The following SLC5A4 variants were observed in gnomAD, a reference collection of about 807,000 sequenced individuals.
The protein encoded by SLC5A4 is probable glucose sensor protein SLC5A4.
A neutral mutation model predicts 70.3 loss-of-function variants in SLC5A4; 55 were observed. The observed-to-expected ratio is 0.78, with a 90% CI of 0.63 to 0.98. The LOEUF is 0.98. SLC5A4 is among the 50% of genes least tolerant of loss of function. SLC5A4 has a pLI of 0.00. For synonymous variants in SLC5A4, 268 were observed against 305.7 expected (o/e 0.88, Z 1.29); for missense variants, 735 against 839.2 (o/e 0.88, Z 1.53).
the SLC5A4 span, among the ~76,000 whole-genome samples, chr22:32,313,421 C>G: frequency 4.6e-5 from 7 of 152,148 alleles, no homozygotes; most frequent in African/African-American, 7.2e-5. Context: ...GATACAGATA[C>G]CATTCATACT....
the SLC5A4 span, among the ~76,000 whole-genome samples, chr22:32,288,955 CTTGT>C: frequency 6.6e-6 from 1 of 150,968 alleles, no homozygotes; most frequent in Admixed American, 6.6e-5. Flanking sequence ...CCTTTTTTTT[CTTGT>C]TTGTGTCTTG....
At chr22:32,268,180 T>C in the SLC5A4 span, 1 of 152,202 alleles carries the variant, frequency 6.6e-6, no homozygotes, top group Non-Finnish European at 1.5e-5. Context: ...TCACTAGTAA[T>C]TGTGCATAGT....
At chr22:32,309,097 C>T in the SLC5A4 span, among the ~76,000 whole-genome samples, 1 of 152,164 alleles carries the variant, frequency 6.6e-6, no homozygotes, top group Non-Finnish European at 1.5e-5. Flanking sequence ...CTGGAGGGTA[C>T]AGGTGAGGTG....
At chr22:32,310,427 C>G in the SLC5A4 span, among the ~76,000 whole-genome samples, 1 of 152,188 alleles carries the variant, frequency 6.6e-6, no homozygotes, top group Non-Finnish European at 1.5e-5. Context: ...CTCTGCCTTC[C>G]AAGGCACTGC....
chr22:32,251,982 C>G, intron 2 of SLC5A4, 108 bp from the exon 3 acceptor site: 1 of 754,966 alleles, frequency 1.3e-6, no homozygotes, highest in African/African-American at 1.7e-5. Context: ...GTAATCCCAG[C>G]ACTTTGGGAG....
chr22:32,255,746 C>T (rs768276071), upstream of SLC5A4, among the ~76,000 whole-genome samples: 5 of 152,132 alleles, frequency 3.3e-5, no homozygotes, highest in Non-Finnish European at 7.3e-5. Context: ...CAGTTTCTGA[C>T]CAATGAGCTA....
chr22:32,305,164 TAAAAAAATTTCTCCAGTTTC>T, the SLC5A4 span, among the ~76,000 whole-genome samples: 1 of 152,106 alleles, frequency 6.6e-6, no homozygotes, highest in South Asian at 2.1e-4. Flanking sequence ...TATGTACTTT[TAAAAAAATTTCTCCAGTTTC>T]TAATCAGCTC....
the SLC5A4 span, among the ~76,000 whole-genome samples, chr22:32,323,474 A>G: frequency 6.6e-6 from 1 of 152,180 alleles, no homozygotes; most frequent in South Asian, 2.1e-4. Context: ...CCCATCTCCA[A>G]CCTCCATGCT....
chr22:32,255,487 T>A (rs1417637981), upstream of SLC5A4: 2 of 701,210 alleles, frequency 2.9e-6, no homozygotes, highest in Admixed American at 4.8e-5. Context: ...ACCCCAGCCC[T>A]CCACCAGTGA....
At chr22:32,346,021 TAC>T in the SLC5A4 span, among the ~76,000 whole-genome samples, 1 of 152,120 alleles carries the variant, frequency 6.6e-6, no homozygotes, top group East Asian at 1.9e-4. Flanking sequence ...CATTAAAAAA[TAC>T]AAAGGAAAAC....
chr22:32,253,111 G>A (rs1228784312), intron 2 of SLC5A4, among the ~76,000 whole-genome samples: 1 of 152,160 alleles, frequency 6.6e-6, no homozygotes, highest in Admixed American at 6.5e-5. Context: ...CAGTTGTTCT[G>A]CTTCAGTCAC....
chr22:32,331,709 G>T, the SLC5A4 span, among the ~76,000 whole-genome samples: 7 of 152,112 alleles, frequency 4.6e-5, no homozygotes, highest in Non-Finnish European at 1.0e-4. Flanking sequence ...ACGTGGGCAT[G>T]GGAAGCAAGG....
chr22:32,311,981 C>T, the SLC5A4 span, among the ~76,000 whole-genome samples: 1 of 152,140 alleles, frequency 6.6e-6, no homozygotes, highest in South Asian at 2.1e-4. Context: ...TGGGCACCCC[C>T]CTTCCCCACT....
chr22:32,289,219 C>A, the SLC5A4 span, among the ~76,000 whole-genome samples: 1 of 152,032 alleles, frequency 6.6e-6, no homozygotes, highest in Non-Finnish European at 1.5e-5. Flanking sequence ...TTGAAATGAT[C>A]ATATATTTTT....
chr22:32,338,305 G>A, the SLC5A4 span, among the ~76,000 whole-genome samples: 2 of 151,946 alleles, frequency 1.3e-5, no homozygotes, highest in Non-Finnish European at 2.9e-5. Flanking sequence ...CAACTCACGA[G>A]AGGAAATACA....
chr22:32,232,171 T>C (rs1925799000), intron 9 of SLC5A4, among the ~76,000 whole-genome samples: 1 of 152,184 alleles, frequency 6.6e-6, no homozygotes, highest in South Asian at 2.1e-4. Context: ...GTGAGCATTC[T>C]TTACCCTTAT....
the SLC5A4 span, among the ~76,000 whole-genome samples, chr22:32,342,230 C>T: frequency 2.6e-5 from 4 of 152,200 alleles, no homozygotes; most frequent in African/African-American, 9.7e-5. Context: ...TTGAGAACCT[C>T]TTCCTTTTGA....
At chr22:32,240,487 A>G (rs1346537310) in intron 5 of SLC5A4, among the ~76,000 whole-genome samples, 2 of 152,166 alleles carry the variant, frequency 1.3e-5, no homozygotes. Context: ...CTAATAATGT[A>G]TATGTTCTTA....
intron 7 of SLC5A4, among the ~76,000 whole-genome samples, chr22:32,236,271 G>T (rs1926054422): frequency 6.6e-6 from 1 of 152,194 alleles, no homozygotes; most frequent in Non-Finnish European, 1.5e-5. Context: ...CATAATAAGA[G>T]AAAACAAATA....
Sources: allele counts gnomAD v4.1 joint callset (sites outside exome capture counted in the v4.1 genomes callset), GRCh38; gene constraint gnomAD v4.1.1; transcripts MANE v1.5; gene names NCBI Gene and HGNC (gene_info 2026-07-23, HGNC 2026-07-21).